IQSEC3: variants seen among roughly 807,000 people sequenced by gnomAD.
IQSEC3 encodes the protein IQ motif and Sec7 domain ArfGEF 3.
IQSEC3 carries 50 observed loss-of-function variants against 105.4 expected under a neutral mutation model. That is an observed-to-expected ratio of 0.47 (90% confidence interval 0.38 to 0.60). The LOEUF is 0.60. Among genes scored for constraint, IQSEC3 ranks in the 20% least tolerant of loss-of-function variants. The pLI, the probability that IQSEC3 is intolerant of heterozygous loss-of-function variation, is 0.00. For synonymous variants in IQSEC3, 708 were observed against 746.0 expected, an observed-to-expected ratio of 0.95 and a Z score of 0.83; for missense variants, 1,415 against 1,630.0, an observed-to-expected ratio of 0.87 and a Z score of 2.27.
intron 2 of IQSEC3, 56 bp from the exon 3 acceptor site, chr12:125,577 C>G: frequency 7.0e-7 from 1 of 1,435,388 alleles, no homozygotes; most frequent in Non-Finnish European, 9.1e-7. Context: ...CCCCCACATC[C>G]ACACGCACCC....
chr12:161,050 T>A (rs2137047262), intron 7 of IQSEC3, among the ~76,000 whole-genome samples: 1 of 152,222 alleles, frequency 6.6e-6, no homozygotes, highest in East Asian at 1.9e-4. Flanking sequence ...GCATGGCTCA[T>A]TTGCCTGACT....
At chr12:114,990 G>A (rs1051603211) in intron 2 of IQSEC3, among the ~76,000 whole-genome samples, 2 of 152,212 alleles carry the variant, frequency 1.3e-5, no homozygotes, top group African/African-American at 4.8e-5. Flanking sequence ...TGGCCAATCT[G>A]ATATGTGCAG....
chr12:91,437 G>C (rs1355995935), intron 1 of IQSEC3, among the ~76,000 whole-genome samples: 6 of 152,130 alleles, frequency 3.9e-5, no homozygotes, highest in Non-Finnish European at 2.9e-5. Context: ...GGCCCTGACT[G>C]TTGCTCCTCT....
intron 1 of IQSEC3, among the ~76,000 whole-genome samples, chr12:75,225 G>C (rs1477816289): frequency 3.3e-5 from 5 of 152,272 alleles, no homozygotes; most frequent in Non-Finnish European, 5.9e-5. Flanking sequence ...AAGAAGGGAG[G>C]ATACTGGGGT....
intron 5 of IQSEC3, among the ~76,000 whole-genome samples, chr12:145,603 G>C (rs1019437328): frequency 5.3e-5 from 8 of 152,194 alleles, no homozygotes; most frequent in Non-Finnish European, 1.2e-4. Context: ...AAGGGGGTCA[G>C]CTCAATCTGG....
intron 4 of IQSEC3, chr12:139,907 T>A (rs1252919124): frequency 6.6e-6 from 1 of 152,012 alleles, no homozygotes; most frequent in African/African-American, 2.4e-5. Context: ...AGGGGAGAAA[T>A]GACCGACCGC....
intron 2 of IQSEC3, among the ~76,000 whole-genome samples, chr12:102,188 G>GTCAGTCTGGCTCCTCCCCCA (rs1228928801): frequency 8.6e-6 from 1 of 115,634 alleles, no homozygotes; most frequent in Non-Finnish European, 1.7e-5. Context: ...CTCCTCCCCC[G>GTCAGTCTGGCTCCTCCCCCA]TCAGTCTGGC....
chr12:69,384 G>A (rs1863220833), intron 1 of IQSEC3, among the ~76,000 whole-genome samples: 1 of 152,282 alleles, frequency 6.6e-6, no homozygotes, highest in Non-Finnish European at 1.5e-5. Flanking sequence ...CTCCTGTCCA[G>A]CTCCACATGT....
At chr12:104,056 A>G (rs781927947) in intron 2 of IQSEC3, among the ~76,000 whole-genome samples, 2 of 152,058 alleles carry the variant, frequency 1.3e-5, no homozygotes, top group Non-Finnish European at 2.9e-5. Context: ...CAACCACCCC[A>G]TCCTTACTCC....
At chr12:155,474 G>A (rs1239086396) in intron 5 of IQSEC3, among the ~76,000 whole-genome samples, 4 of 152,086 alleles carry the variant, frequency 2.6e-5, no homozygotes, top group East Asian at 3.9e-4. Flanking sequence ...CCCTCTCGGC[G>A]CCCCCTCCCT....
At chr12:88,018 G>A (rs963661315) in intron 1 of IQSEC3, among the ~76,000 whole-genome samples, 5 of 152,296 alleles carry the variant, frequency 3.3e-5, no homozygotes, top group East Asian at 1.9e-4. Context: ...GGAGGGGCAC[G>A]CAGCACCTCT....
chr12:77,339 C>G (rs1408074363), intron 1 of IQSEC3: 1 of 713,592 alleles, frequency 1.4e-6, no homozygotes, highest in Non-Finnish European at 1.7e-6. Flanking sequence ...CTGAGGTCAG[C>G]ACCTCTCTCA....
intron 12 of IQSEC3, among the ~76,000 whole-genome samples, chr12:169,608 CAG>C (rs1339588157): frequency 6.6e-6 from 1 of 152,186 alleles, no homozygotes; most frequent in Non-Finnish European, 1.5e-5. Flanking sequence ...ACCCCAAATC[CAG>C]AGAGACCCTC....
At chr12:124,646 G>C (rs1480490585) in intron 2 of IQSEC3, among the ~76,000 whole-genome samples, 1 of 152,238 alleles carries the variant, frequency 6.6e-6, no homozygotes, top group Non-Finnish European at 1.5e-5. Flanking sequence ...CTGGGAAATA[G>C]ACAGTGACTC....
intron 7 of IQSEC3, among the ~76,000 whole-genome samples, chr12:160,649 C>T (rs535732516): frequency 3.3e-5 from 5 of 152,282 alleles, no homozygotes; most frequent in African/African-American, 9.6e-5. Flanking sequence ...GGAAGCCCAG[C>T]AGCTTTCTAA....
intron 11 of IQSEC3, chr12:166,732 T>TAGGAA (rs1938670651): frequency 6.6e-6 from 1 of 152,220 alleles, no homozygotes; most frequent in African/African-American, 2.4e-5. Context: ...CATTAGGCGC[T>TAGGAA]AGGAAAGGCA....
chr12:127,334 T>G (rs1555083811), intron 3 of IQSEC3, among the ~76,000 whole-genome samples: 1 of 151,488 alleles, frequency 6.6e-6, no homozygotes, highest in East Asian at 1.9e-4. Flanking sequence ...GCCCGCCCAA[T>G]ATGGTGAAAC....
chr12:132,833 A>G (rs1000987084), intron 3 of IQSEC3, among the ~76,000 whole-genome samples: 4 of 152,188 alleles, frequency 2.6e-5, no homozygotes, highest in Non-Finnish European at 5.9e-5. Context: ...GAGGCTTGAG[A>G]GTCATTCCCA....
Position 165,766 on chromosome 12 carries a change from G to C in IQSEC3, c.2847G>C (p.Ser949=), listed in dbSNP as rs115184339. ...SHGITLVTPL[S]GSEKKQVLHF... The stretch of plus-strand genomic sequence containing the variant: ...GCATCACACTGGTGACCCCGCTCTC[G>C]GGCTCCGAGAAGAAGCAGGTGCTGC... Residue 949 remains serine (S), a synonymous_variant, in exon 11 of 14, where the codon TCG becomes TCC. Coordinates refer to ENST00000538872, the MANE Select transcript of IQSEC3 (RefSeq NM_001170738.2). 3.7e-6 allele frequency: 6 copies of C among 1,613,902 alleles called. No homozygotes were observed. Among genetic ancestry groups the C allele is most frequent in the African/African-American group, 1.3e-5 (1 of 75,044 alleles).
Sources: allele counts gnomAD v4.1 joint callset (sites outside exome capture counted in the v4.1 genomes callset), GRCh38; gene constraint gnomAD v4.1.1; transcripts MANE v1.5; gene names NCBI Gene and HGNC (gene_info 2026-07-23, HGNC 2026-07-21).